The following AGBL1 variants were observed in gnomAD, a reference collection of about 807,000 sequenced individuals.
AGBL1 encodes the protein AGBL carboxypeptidase 1.
In AGBL1, 130 loss-of-function variants were observed where a neutral mutation model predicts 118.9. That is an observed-to-expected ratio of 1.09 (90% CI 0.95 to 1.26). The LOEUF (loss-of-function observed/expected upper bound fraction) is 1.26, where lower values mean the gene tolerates loss of function less well. Ranked by LOEUF, AGBL1 falls within the 50% of genes most tolerant of loss-of-function variation. AGBL1 has a pLI of 0.00. For synonymous variants in AGBL1, 555 were observed against 478.9 expected (o/e 1.16, Z -2.08); for missense variants, 1,584 against 1,298.1 (o/e 1.22, Z -3.38).
At chr15:86,832,738 C>T (rs2079122701) in intron 22 of AGBL1, among the ~76,000 whole-genome samples, 2 of 152,208 alleles carry the variant, frequency 1.3e-5, no homozygotes, top group South Asian at 2.1e-4. Flanking sequence ...CCCACATCTT[C>T]CTGCCTTCTT....
chr15:86,625,248 T>C (rs1218137027), intron 21 of AGBL1, among the ~76,000 whole-genome samples: 1 of 152,120 alleles, frequency 6.6e-6, no homozygotes, highest in Admixed American at 6.6e-5. Flanking sequence ...AAAATGAAGG[T>C]GGATCCTTTC....
chr15:86,762,924 G>A (rs185142497), intron 22 of AGBL1, among the ~76,000 whole-genome samples: 6 of 151,936 alleles, frequency 3.9e-5, no homozygotes, highest in African/African-American at 1.2e-4. Flanking sequence ...GCTTTGCCTC[G>A]GGTGGGTAGA....
intron 16 of AGBL1, among the ~76,000 whole-genome samples, chr15:86,292,266 A>G (rs2079559880): frequency 6.6e-6 from 1 of 152,178 alleles, no homozygotes; most frequent in Non-Finnish European, 1.5e-5. Context: ...GAGCCAGAGA[A>G]AAAAATGGGA....
intron 22 of AGBL1, among the ~76,000 whole-genome samples, chr15:86,805,262 G>T (rs1258572916): frequency 6.6e-6 from 1 of 151,898 alleles, no homozygotes; most frequent in Non-Finnish European, 1.5e-5. Flanking sequence ...GACCCTAGAG[G>T]CCGAAGTTTT....
At chr15:86,123,945 T>C (rs12323984) in intron 1 of AGBL1, among the ~76,000 whole-genome samples, 90,036 of 152,006 alleles carry the variant, frequency 0.59, 27,340 homozygotes, top group African/African-American at 0.72. Flanking sequence ...ATGACAACCA[T>C]ATGCAACATG....
At chr15:86,181,931 A>C (rs925077958) in intron 5 of AGBL1, among the ~76,000 whole-genome samples, 1 of 152,092 alleles carries the variant, frequency 6.6e-6, no homozygotes, top group African/African-American at 2.4e-5. Flanking sequence ...TATAACTAAC[A>C]ACACCATCAT....
chr15:86,447,634 C>T (rs1013783845), intron 18 of AGBL1, among the ~76,000 whole-genome samples: 1 of 152,164 alleles, frequency 6.6e-6, no homozygotes, highest in Non-Finnish European at 1.5e-5. Flanking sequence ...GGAAACCTTG[C>T]TCTAAGTCTC....
At chr15:86,984,738 T>A (rs1180951983) in intron 23 of AGBL1, among the ~76,000 whole-genome samples, 2 of 152,140 alleles carry the variant, frequency 1.3e-5, no homozygotes, top group African/African-American at 4.8e-5. Flanking sequence ...TACATATAGG[T>A]GCAATATTTT....
chr15:86,868,733 T>C (rs143135212), intron 22 of AGBL1, among the ~76,000 whole-genome samples: 2 of 152,214 alleles, frequency 1.3e-5, no homozygotes, highest in Admixed American at 1.3e-4. Flanking sequence ...GGTTTATATC[T>C]GGGCTTATGT....
intron 22 of AGBL1, among the ~76,000 whole-genome samples, chr15:86,839,684 T>A (rs1567200887): frequency 6.6e-6 from 1 of 152,120 alleles, no homozygotes; most frequent in Non-Finnish European, 1.5e-5. Flanking sequence ...CAACTAAATA[T>A]TGCCAAACGT....
chr15:86,909,014 T>C lies in AGBL1; in HGVS notation c.*1720T>C, dbSNP rs776404522. 2.6e-5 allele frequency: 4 copies of C among 152,230 alleles called. No individual in the cohort carries two copies. The highest frequency in any genetic ancestry group is 4.4e-5 in the Non-Finnish European group (3 of 68,044). The allele number at this position is 152,230 out of a possible 1,614,324, so 9.4% of individuals were successfully genotyped here. A position where few individuals can be genotyped will look rare whatever the true frequency, so the allele number is the denominator to read the frequency against. ...GGCTCTACTGTGTGTGCTTCTACTC[T>C]TGGTCTAGAATGGCTGCTGAAGCAT... On this transcript the variant is annotated 3_prime_UTR_variant, in exon 23 of 23. Coordinates refer to ENST00000614907, the MANE Select transcript of AGBL1 (RefSeq NM_001386094.1).
At chr15:86,814,385 G>T (rs1490554133) in intron 22 of AGBL1, among the ~76,000 whole-genome samples, 4 of 152,200 alleles carry the variant, frequency 2.6e-5, no homozygotes, top group Admixed American at 2.0e-4. Flanking sequence ...TGCCAAAAAG[G>T]TTGGGGACTG....
intron 22 of AGBL1, among the ~76,000 whole-genome samples, chr15:86,738,014 A>G (rs1312397074): frequency 6.6e-6 from 1 of 152,234 alleles, no homozygotes; most frequent in African/African-American, 2.4e-5. Flanking sequence ...AATGTGATAT[A>G]TCACATCAAC....
intron 17 of AGBL1, among the ~76,000 whole-genome samples, chr15:86,327,853 A>G (rs557601958): frequency 6.6e-6 from 1 of 152,320 alleles, no homozygotes; most frequent in South Asian, 2.1e-4. Flanking sequence ...TAATGATATG[A>G]GGAGGCTCAG....
intron 18 of AGBL1, among the ~76,000 whole-genome samples, chr15:86,432,819 T>A (rs900629102): frequency 6.6e-6 from 1 of 152,174 alleles, no homozygotes. Flanking sequence ...AGAGGTTTTT[T>A]TTTGCTTTGA....
chr15:86,352,784 C>A (rs1276567970), intron 17 of AGBL1, among the ~76,000 whole-genome samples: 2 of 152,150 alleles, frequency 1.3e-5, no homozygotes, highest in African/African-American at 4.8e-5. Context: ...CCATGCCCAG[C>A]CACTTTTTCT....
intron 21 of AGBL1, among the ~76,000 whole-genome samples, chr15:86,651,489 C>A (rs1158045869): frequency 3.3e-5 from 5 of 152,144 alleles, no homozygotes; most frequent in Non-Finnish European, 7.3e-5. Context: ...TTGTATAGAT[C>A]TTATTATAAT....
chr15:86,371,756 G>A (rs575785509), intron 17 of AGBL1, among the ~76,000 whole-genome samples: 16 of 152,108 alleles, frequency 1.1e-4, no homozygotes, highest in South Asian at 2.1e-4. Flanking sequence ...GGTGAGAGAC[G>A]CACAAAGGGG....
chr15:86,113,768 A>G (rs1228496544), intron 1 of AGBL1, among the ~76,000 whole-genome samples: 2 of 152,216 alleles, frequency 1.3e-5, no homozygotes, highest in African/African-American at 4.8e-5. Flanking sequence ...GTGAACAAAT[A>G]GGGAATGCCA....
Sources: gnomAD v4.1 joint callset for allele counts (sites outside exome capture counted in the v4.1 genomes callset) on GRCh38, gnomAD v4.1.1 for gene constraint, MANE v1.5 for transcripts, NCBI Gene and HGNC (gene_info 2026-07-23, HGNC 2026-07-21) for gene names.